The following STXBP5L variants were observed in gnomAD, a reference collection of about 807,000 sequenced individuals.
STXBP5L encodes the protein syntaxin binding protein 5L, also known as syntaxin-binding protein 5-like.
In STXBP5L, 65 loss-of-function variants were observed where a neutral mutation model predicts 144.5. That is an observed-to-expected ratio of 0.45 (90% CI 0.37 to 0.55). STXBP5L has a LOEUF of 0.55. Ranked by LOEUF, STXBP5L falls within the 20% of genes least tolerant of loss-of-function variation. The probability of loss-of-function intolerance (pLI) is 0.00; values close to 1 mark genes in which losing one functional copy is unlikely to be tolerated. For synonymous variants in STXBP5L, 505 were observed against 469.6 expected, an observed-to-expected ratio of 1.08 and a Z score of -0.97; for missense variants, 1,298 against 1,405.5, an observed-to-expected ratio of 0.92 and a Z score of 1.22.
intron 5 of STXBP5L, among the ~76,000 whole-genome samples, chr3:121,063,934 G>A (rs1048268246): frequency 1.3e-5 from 2 of 152,088 alleles, no homozygotes; most frequent in Non-Finnish European, 2.9e-5. Flanking sequence ...TGCTCGGTGG[G>A]GTTGGGGTCC....
At chr3:121,082,512 C>G (rs895734848) in intron 5 of STXBP5L, among the ~76,000 whole-genome samples, 1 of 152,142 alleles carries the variant, frequency 6.6e-6, no homozygotes, top group Non-Finnish European at 1.5e-5. Flanking sequence ...GGGACCCATT[C>G]CATTGGACCA....
At chr3:120,986,040 A>G (rs1942257794) in intron 3 of STXBP5L, among the ~76,000 whole-genome samples, 1 of 151,942 alleles carries the variant, frequency 6.6e-6, no homozygotes, top group Admixed American at 6.6e-5. Flanking sequence ...GTAAACTAAA[A>G]ATTTTGGCCT....
intron 18 of STXBP5L, among the ~76,000 whole-genome samples, chr3:121,269,914 T>C (rs1467628543): frequency 6.6e-6 from 1 of 152,218 alleles, no homozygotes; most frequent in Non-Finnish European, 1.5e-5. Flanking sequence ...TTAGGATTAA[T>C]TGTGCCAGTT....
At chr3:121,253,810 CTTTTTTT>C (rs34678687) in intron 15 of STXBP5L, among the ~76,000 whole-genome samples, 1 of 95,080 alleles carries the variant, frequency 1.1e-5, no homozygotes, top group Admixed American at 1.3e-4. Context: ...TTTTTTTTTT[CTTTTTTT>C]TTTTTTTTTG....
intron 5 of STXBP5L, among the ~76,000 whole-genome samples, chr3:121,058,117 C>G (rs935160932): frequency 2.6e-5 from 4 of 152,128 alleles, no homozygotes; most frequent in Admixed American, 6.6e-5. Flanking sequence ...GTAATGCTAT[C>G]CCTCCCCTAC....
intron 3 of STXBP5L, among the ~76,000 whole-genome samples, chr3:120,967,152 G>C (rs1939679230): frequency 6.6e-6 from 1 of 152,098 alleles, no homozygotes; most frequent in African/African-American, 2.4e-5. Context: ...AAGACCTTGG[G>C]AAAAGTGCAG....
Position 120,908,286 on chromosome 3 carries a change from G to GC in STXBP5L, c.-52dup, listed in dbSNP as rs1708633392. ...AAGCGGCCGGAGCCCGCCTACCTCG[G>GC]CCCCCTCAGCTTCCCGGGCTGGCAG... On this transcript the variant is annotated 5_prime_UTR_variant, in exon 1 of 27. Transcript: ENST00000471454. 1 of 152,454 alleles carries GC rather than the reference G, an allele frequency of 6.6e-6. No individual in the cohort carries two copies. Among genetic ancestry groups the GC allele is most frequent in the Admixed American group, 6.5e-5 (1 of 15,294 alleles). The allele number at this position is 152,454 out of a possible 1,614,324, so 9.4% of individuals were successfully genotyped here.
chr3:121,346,779 G>T (rs2045007717), intron 20 of STXBP5L, among the ~76,000 whole-genome samples: 2 of 152,058 alleles, frequency 1.3e-5, no homozygotes, highest in Non-Finnish European at 2.9e-5. Context: ...CATATCCTTT[G>T]CCCACTTTTT....
intron 9 of STXBP5L, among the ~76,000 whole-genome samples, chr3:121,161,462 G>A (rs749805820): frequency 3.5e-4 from 53 of 151,730 alleles, no homozygotes; most frequent in African/African-American, 9.7e-4. Flanking sequence ...AAAATTTTGC[G>A]GGGTATCTTT....
chr3:121,133,943 G>C (rs2045120217), intron 7 of STXBP5L, among the ~76,000 whole-genome samples: 1 of 152,146 alleles, frequency 6.6e-6, no homozygotes, highest in South Asian at 2.1e-4. Context: ...ACATGATCCA[G>C]TCACCTGCCA....
chr3:121,034,059 T>A (rs912746848), intron 3 of STXBP5L, among the ~76,000 whole-genome samples: 11 of 152,122 alleles, frequency 7.2e-5, no homozygotes, highest in African/African-American at 2.7e-4. Context: ...AAAATGAGCA[T>A]CTATAATATG....
At chr3:121,053,829 A>C (rs1164715417) in intron 5 of STXBP5L, among the ~76,000 whole-genome samples, 4 of 152,160 alleles carry the variant, frequency 2.6e-5, no homozygotes, top group Non-Finnish European at 5.9e-5. Flanking sequence ...AAATTTTCGC[A>C]ACCTACTCAT....
chr3:120,916,087 C>A (rs765159147), intron 2 of STXBP5L, among the ~76,000 whole-genome samples: 15 of 152,128 alleles, frequency 9.9e-5, no homozygotes, highest in East Asian at 9.6e-4. Flanking sequence ...TCAGCAAAAT[C>A]ACCTATGATA....
chr3:121,167,130 G>A (rs939212144), intron 9 of STXBP5L, among the ~76,000 whole-genome samples: 1 of 152,058 alleles, frequency 6.6e-6, no homozygotes, highest in Non-Finnish European at 1.5e-5. Flanking sequence ...TGAAAATAGA[G>A]GGTCCTCCAG....
chr3:121,055,324 C>T lies in STXBP5L; in HGVS notation c.470+9789C>T, dbSNP rs114422578. On this transcript the variant is annotated intron_variant, in intron 5 of 26. Coordinates refer to ENST00000471454, the MANE Select transcript of STXBP5L (RefSeq NM_001308330.2). ...ATTCTCCAAAACATCTGATATTAGC[C>T]GTTTAATTCTGTAAATTTTCTAAGT... Among the ~76,000 whole-genome samples, 469 of 152,006 alleles carry T rather than the reference C, an allele frequency of 3.1e-3. 5 individuals carry two copies. The highest frequency in any genetic ancestry group is 0.011 in the African/African-American group (449 of 41,488).
chr3:120,969,400 T>G (rs1427572067), intron 3 of STXBP5L, among the ~76,000 whole-genome samples: 5 of 151,204 alleles, frequency 3.3e-5, no homozygotes, highest in Admixed American at 2.6e-4. Context: ...ATTTGTGTTT[T>G]TTTTTTTTTT....
At chr3:121,310,620 C>T (rs1381530839) in intron 19 of STXBP5L, among the ~76,000 whole-genome samples, 1 of 143,158 alleles carries the variant, frequency 7.0e-6, no homozygotes, top group Non-Finnish European at 1.5e-5. Context: ...GCCTCAAAAA[C>T]AAAAGAGGCC....
chr3:121,065,921 AG>A (rs2041521954), intron 5 of STXBP5L, among the ~76,000 whole-genome samples: 1 of 152,140 alleles, frequency 6.6e-6, no homozygotes, highest in African/African-American at 2.4e-5. Flanking sequence ...CTGTTTGGCC[AG>A]AGGTGATCCT....
chr3:120,930,543 T>C (rs1388853721), intron 2 of STXBP5L, among the ~76,000 whole-genome samples: 1 of 152,170 alleles, frequency 6.6e-6, no homozygotes, highest in Non-Finnish European at 1.5e-5. Context: ...TTTTTTTCTT[T>C]CTTTGGATGT....
Sources: gnomAD v4.1 joint callset for allele counts (sites outside exome capture counted in the v4.1 genomes callset) on GRCh38, gnomAD v4.1.1 for gene constraint, MANE v1.5 for transcripts, NCBI Gene and HGNC (gene_info 2026-07-23, HGNC 2026-07-21) for gene names.